The following GSE1 variants were observed in gnomAD, a reference collection of about 807,000 sequenced individuals.
The protein encoded by GSE1 is genetic suppressor element 1.
A neutral mutation model predicts 112.6 loss-of-function variants in GSE1; 32 were observed. That is an observed-to-expected ratio of 0.28 (90% CI 0.21 to 0.38). GSE1 has a LOEUF of 0.38. Ranked by LOEUF, GSE1 falls within the 10% of genes least tolerant of loss-of-function variation. The probability of loss-of-function intolerance (pLI) is 1.00; values close to 1 mark genes in which losing one functional copy is unlikely to be tolerated. For missense variants in GSE1, 2,348 were observed against 1,699.2 expected (o/e 1.38, Z -6.71); for synonymous variants, 1,115 against 735.6 (o/e 1.52, Z -8.35).
rs572919267 is a variant in GSE1 at position 85,654,559 on chromosome 16, A to G, written c.599+109A>G. On this transcript the variant is annotated intron_variant, in intron 4 of 15. Coordinates refer to ENST00000253458, the MANE Select transcript of GSE1 (RefSeq NM_014615.5). ...CTGCACAGATGAGGCTGTGCCTGCT[A>G]GATGGTTGTCGGCCGCTGAGCCCTG... 83 of 1,001,462 alleles carry G rather than the reference A, an allele frequency of 8.3e-5. 1 individual carries two copies. The African/African-American group carries it at 1.1e-3, about 14-fold the overall frequency. The allele number at this position is 1,001,462 out of a possible 1,614,324, so 62.0% of individuals were successfully genotyped here.
intron 2 of GSE1, among the ~76,000 whole-genome samples, chr16:85,435,815 C>T (rs2049234112): frequency 6.6e-6 from 1 of 152,146 alleles, no homozygotes; most frequent in Non-Finnish European, 1.5e-5. Flanking sequence ...GAGGGTTGAC[C>T]AGGGGCCGTG....
intron 2 of GSE1, among the ~76,000 whole-genome samples, chr16:85,479,319 A>C (rs1216703360): frequency 2.0e-5 from 3 of 148,328 alleles, no homozygotes; most frequent in African/African-American, 5.0e-5. Flanking sequence ...GGCGTGAGCC[A>C]CTGTGTCCGG....
intron 2 of GSE1, among the ~76,000 whole-genome samples, chr16:85,456,301 G>A (rs1163961822): frequency 3.9e-5 from 6 of 152,128 alleles, no homozygotes; most frequent in Non-Finnish European, 8.8e-5. Context: ...AGGCAAAGTG[G>A]GAGAGAGAGA....
At chr16:85,580,794 T>C (rs1185758265) in intron 1 of GSE1, among the ~76,000 whole-genome samples, 2 of 151,968 alleles carry the variant, frequency 1.3e-5, no homozygotes, top group African/African-American at 4.8e-5. Context: ...CCCCAGAGAG[T>C]GCGCTGTCTC....
chr16:85,239,394 G>T (rs943288728), intron 1 of GSE1, among the ~76,000 whole-genome samples: 1 of 152,246 alleles, frequency 6.6e-6, no homozygotes, highest in Non-Finnish European at 1.5e-5. Flanking sequence ...AGCTGGCAGA[G>T]ATCCCTCCCT....
rs147819521 is a variant in GSE1 at position 85,672,132 on chromosome 16, A to G, written c.3520-273A>G. ...TCCTGCCTCAGCCTCCCGAGTAGCT[A>G]GGATTACAGGTATACGACACCATGC... On this transcript the variant is annotated intron_variant, in intron 15 of 15. Coordinates refer to ENST00000253458, the MANE Select transcript of GSE1 (RefSeq NM_014615.5). 14 of 365,378 alleles carry G rather than the reference A, an allele frequency of 3.8e-5. No individual in the cohort carries two copies. The East Asian group carries it at 7.1e-4, about 18-fold the overall frequency. The allele number at this position is 365,378 out of a possible 1,614,324, so 22.6% of individuals were successfully genotyped here. A position where few individuals can be genotyped will look rare whatever the true frequency, so the allele number is the denominator to read the frequency against.
intron 1 of GSE1, among the ~76,000 whole-genome samples, chr16:85,303,491 G>C (rs992199469): frequency 1.3e-5 from 2 of 152,238 alleles, no homozygotes; most frequent in Non-Finnish European, 2.9e-5. Flanking sequence ...GCTGTCCGCC[G>C]CTTGCTGAGC....
intron 1 of GSE1, among the ~76,000 whole-genome samples, chr16:85,354,816 C>T (rs73253117): frequency 1.3e-5 from 2 of 152,360 alleles, no homozygotes; most frequent in African/African-American, 2.4e-5. Flanking sequence ...AAGCCTTCCT[C>T]TCTCTAGCAT....
In GSE1 at chr16:85,567,110, G is replaced by A. The variant is rs1028000521; in HGVS notation, c.37+10747G>A. ...CTCCTGGAAAGTTTCACTCACAGGC[G>A]GATTTCAACCGCCTGTGCTGTCTTT... On this transcript the variant is annotated intron_variant, in intron 1 of 2. Coordinates refer to the GSE1 transcript ENST00000635906. 6.1e-5 allele frequency among the ~76,000 whole-genome samples: 9 copies of A among 146,960 alleles called. No individual in the cohort carries two copies. In the East Asian group the frequency reaches 6.5e-4, roughly 11 times the overall value.
upstream of GSE1, among the ~76,000 whole-genome samples, chr16:85,554,471 A>T (rs1252983851): frequency 6.6e-6 from 1 of 152,138 alleles, no homozygotes; most frequent in East Asian, 1.9e-4. Flanking sequence ...GCCTGGAAGC[A>T]TGCCTTCCCG....
intron 2 of GSE1, among the ~76,000 whole-genome samples, chr16:85,362,462 C>A (rs1287872965): frequency 6.6e-6 from 1 of 152,192 alleles, no homozygotes; most frequent in Non-Finnish European, 1.5e-5. Flanking sequence ...GACTCAGGTC[C>A]AAGTTTCCAA....
At chr16:85,554,751 C>T (rs2045110009), upstream of GSE1, 1 of 490,242 alleles carries the variant, frequency 2.0e-6, no homozygotes, top group Admixed American at 6.5e-5. Flanking sequence ...AGGGCGAACT[C>T]CCGGCTCCCG....
intron 1 of GSE1, among the ~76,000 whole-genome samples, chr16:85,246,509 C>CA (rs1567636504): frequency 9.8e-6 from 1 of 102,072 alleles, no homozygotes; most frequent in African/African-American, 3.3e-5. Context: ...CACCCCCCCC[C>CA]CCCCGACGCT....
At chr16:85,171,888 GA>G in intron 1 of GSE1, 1 of 795,818 alleles carries the variant, frequency 1.3e-6, no homozygotes, top group Non-Finnish European at 1.5e-6. Context: ...CTGTTCCTCA[GA>G]AAAACTCTGA....
At chr16:85,629,679 C>T (rs984717929) in intron 1 of GSE1, among the ~76,000 whole-genome samples, 19 of 152,150 alleles carry the variant, frequency 1.2e-4, no homozygotes, top group Non-Finnish European at 2.5e-4. Flanking sequence ...GAGTGGCTGG[C>T]TCTCTGAGGA....
At chr16:85,418,692 T>TGATGCAG (rs952441776) in intron 2 of GSE1, among the ~76,000 whole-genome samples, 1 of 152,058 alleles carries the variant, frequency 6.6e-6, no homozygotes, top group African/African-American at 2.4e-5. Context: ...TCCAAGGTAC[T>TGATGCAG]GATGCAGGAT....
intron 2 of GSE1, among the ~76,000 whole-genome samples, chr16:85,429,779 GC>G (rs1048915105): frequency 1.3e-5 from 2 of 152,200 alleles, no homozygotes; most frequent in African/African-American, 4.8e-5. Context: ...GAGCCCCCTT[GC>G]TTCCCGCACA....
chr16:85,445,431 G>A (rs890812887), intron 2 of GSE1, among the ~76,000 whole-genome samples: 3 of 152,298 alleles, frequency 2.0e-5, no homozygotes, highest in African/African-American at 7.2e-5. Flanking sequence ...TGGCGGCCAC[G>A]CACAGCGAGG....
At chr16:85,222,753 C>T (rs547915323) in intron 1 of GSE1, among the ~76,000 whole-genome samples, 1 of 152,266 alleles carries the variant, frequency 6.6e-6, no homozygotes, top group South Asian at 2.1e-4. Context: ...ATTGAAGATG[C>T]CCTCTCCGAG....
Sources: allele counts gnomAD v4.1 joint callset (sites outside exome capture counted in the v4.1 genomes callset), GRCh38; gene constraint gnomAD v4.1.1; transcripts MANE v1.5; gene names NCBI Gene and HGNC (gene_info 2026-07-23, HGNC 2026-07-21).